Variants in SESN1 observed in about 807,000 individuals in gnomAD.
The protein encoded by SESN1 is sestrin-1.
Under a neutral mutation model 59.3 loss-of-function variants are expected in SESN1, and 30 were observed. The observed-to-expected ratio is 0.51, with a 90% CI of 0.38 to 0.69. The LOEUF (loss-of-function observed/expected upper bound fraction) is 0.69, where lower values mean the gene tolerates loss of function less well. Ranked by LOEUF, SESN1 falls within the 30% of genes least tolerant of loss-of-function variation. The pLI is 0.00. For synonymous variants in SESN1, 197 were observed against 219.9 expected, an observed-to-expected ratio of 0.90 and a Z score of 0.92; for missense variants, 566 against 673.0, an observed-to-expected ratio of 0.84 and a Z score of 1.76.
chr6:109,020,638 GAGA>G (rs141674146), intron 1 of SESN1, among the ~76,000 whole-genome samples: 13,989 of 152,064 alleles, frequency 0.092, 851 homozygotes, highest in Middle Eastern at 0.19. Context: ...TCTCCTTGGA[GAGA>G]AGAAGGTTTT....
intron 1 of SESN1, among the ~76,000 whole-genome samples, chr6:109,024,874 T>G (rs1780065558): frequency 1.3e-5 from 2 of 152,210 alleles, no homozygotes; most frequent in Non-Finnish European, 2.9e-5. Context: ...GTCAAACAAT[T>G]GTTAAGTGGA....
intron 9 of SESN1, among the ~76,000 whole-genome samples, chr6:108,988,101 C>T (rs1779249115): frequency 6.6e-6 from 1 of 152,102 alleles, no homozygotes; most frequent in Non-Finnish European, 1.5e-5. Context: ...GCCTAATATT[C>T]TTTTTGGATA....
chr6:108,989,420 TAG>T (rs1779296629), intron 8 of SESN1, among the ~76,000 whole-genome samples: 3 of 149,120 alleles, frequency 2.0e-5, no homozygotes, highest in Non-Finnish European at 3.0e-5. Context: ...TCTCTAGATC[TAG>T]AGATATATAT....
chr6:109,043,386 C>A (rs904121920), intron 1 of SESN1, among the ~76,000 whole-genome samples: 18 of 151,920 alleles, frequency 1.2e-4, no homozygotes, highest in African/African-American at 1.7e-4. Flanking sequence ...AGATAAAAAA[C>A]AACAACAACA....
At chr6:109,059,499 T>C (rs974476873) in intron 1 of SESN1, 39 of 152,170 alleles carry the variant, frequency 2.6e-4, no homozygotes, top group African/African-American at 9.2e-4. Context: ...TTTGTTTGTA[T>C]TTTTATTTTT....
At chr6:109,059,403 C>T (rs1031545586) in intron 1 of SESN1, 3 of 152,132 alleles carry the variant, frequency 2.0e-5, no homozygotes, top group Non-Finnish European at 4.4e-5. Flanking sequence ...ACATGGATTG[C>T]TAAAGCCTGG....
intron 1 of SESN1, among the ~76,000 whole-genome samples, chr6:109,070,088 A>AT (rs1157157623): frequency 1.3e-5 from 2 of 152,028 alleles, no homozygotes; most frequent in Non-Finnish European, 2.9e-5. Flanking sequence ...GTTCCATTTT[A>AT]TTTTTTTAAA....
chr6:109,060,137 ACAC>A lies in SESN1; in HGVS notation c.279+33655_279+33657del, dbSNP rs528486506. On this transcript the variant is annotated intron_variant, in intron 1 of 9. Coordinates refer to ENST00000436639, the MANE Select transcript of SESN1 (RefSeq NM_014454.3). ...TACACACACGTACACACACACACAC[ACAC>A]ATTTATATTAAGGAGTAAACAATCT... is the stretch of plus-strand genomic sequence containing the variant. 4.6e-3 allele frequency among the ~76,000 whole-genome samples: 704 copies of A among 152,308 alleles called. 4 individuals are homozygous for A. The highest frequency in any genetic ancestry group is 7.0e-3 in the Non-Finnish European group (477 of 68,024).
At chr6:109,014,955 A>G (rs1012719914) in intron 1 of SESN1, among the ~76,000 whole-genome samples, 1 of 152,190 alleles carries the variant, frequency 6.6e-6, no homozygotes, top group African/African-American at 2.4e-5. Flanking sequence ...AAGCTTCATA[A>G]AATCAGAATG....
At chr6:109,003,275 A>G (rs183389902) in intron 1 of SESN1, among the ~76,000 whole-genome samples, 37 of 151,372 alleles carry the variant, frequency 2.4e-4, no homozygotes, top group African/African-American at 8.5e-4. Flanking sequence ...TTATATATAT[A>G]ATTAAATACT....
At chr6:109,012,130 G>C (rs1779869281) in intron 1 of SESN1, among the ~76,000 whole-genome samples, 1 of 152,140 alleles carries the variant, frequency 6.6e-6, no homozygotes, top group African/African-American at 2.4e-5. Context: ...TGAACATCCT[G>C]AACACAGAAC....
At position 109,031,499 on chromosome 6, in the gene SESN1, C is replaced by T. The variant is rs531772393; in HGVS notation, c.280-29156G>A. Among the ~76,000 whole-genome samples the T allele has an allele frequency of 4.6e-5, 7 of 152,242 alleles. No homozygotes were observed. In the South Asian group the frequency reaches 1.5e-3, roughly 32 times the overall value. ...TCCTCCCTCTGAGTTCAAGTCTTTC[C>T]CCTCTAATCATGGCCCACCCCTCAT... On this transcript the variant is annotated intron_variant, in intron 1 of 9. Transcript: ENST00000436639.
intron 1 of SESN1, among the ~76,000 whole-genome samples, chr6:109,075,855 A>G (rs2114470602): frequency 6.6e-6 from 1 of 152,248 alleles, no homozygotes; most frequent in African/African-American, 2.4e-5. Flanking sequence ...AAGCTCCTCA[A>G]CACCCCCTCC....
At chr6:109,082,271 T>C (rs1204229854) in intron 1 of SESN1, among the ~76,000 whole-genome samples, 2 of 152,074 alleles carry the variant, frequency 1.3e-5, no homozygotes, top group East Asian at 1.9e-4. Flanking sequence ...TAAGGGCATA[T>C]AGTGCTAGAG....
chr6:109,038,552 G>C (rs970764099), intron 1 of SESN1, among the ~76,000 whole-genome samples: 3 of 152,196 alleles, frequency 2.0e-5, no homozygotes, highest in African/African-American at 7.2e-5. Flanking sequence ...ACAGCACAAT[G>C]AGATGTTGAC....
intron 1 of SESN1, among the ~76,000 whole-genome samples, chr6:109,025,579 T>A (rs1448058455): frequency 6.7e-6 from 1 of 150,066 alleles, no homozygotes; most frequent in African/African-American, 2.5e-5. Flanking sequence ...CAGTTCAATA[T>A]GCTTTTTAAA....
At chr6:108,991,721 TA>T (rs1383023488) in intron 7 of SESN1, among the ~76,000 whole-genome samples, 1 of 152,196 alleles carries the variant, frequency 6.6e-6, no homozygotes, top group Non-Finnish European at 1.5e-5. Context: ...GTTGCTTTCC[TA>T]AAAACACCTC....
At chr6:109,026,690 C>A (rs150528363) in intron 1 of SESN1, among the ~76,000 whole-genome samples, 13 of 151,798 alleles carry the variant, frequency 8.6e-5, no homozygotes, top group Non-Finnish European at 1.8e-4. Context: ...TTTTTAGTAG[C>A]GACGGGGTTT....
At chr6:109,039,034 AAAG>A (rs1391756981) in intron 1 of SESN1, among the ~76,000 whole-genome samples, 10 of 124,772 alleles carry the variant, frequency 8.0e-5, no homozygotes, top group East Asian at 2.0e-4. Flanking sequence ...AAAGAGAAAG[AAAG>A]AAGAAGGAGG....
Sources: allele counts gnomAD v4.1 joint callset (sites outside exome capture counted in the v4.1 genomes callset), GRCh38; gene constraint gnomAD v4.1.1; transcripts MANE v1.5; gene names NCBI Gene and HGNC (gene_info 2026-07-23, HGNC 2026-07-21).